MAGI1: variants seen among roughly 807,000 people sequenced by gnomAD.
MAGI1 encodes the protein membrane-associated guanylate kinase, WW and PDZ domain-containing protein 1.
In MAGI1, 58 loss-of-function variants were observed where a neutral mutation model predicts 139.9. The ratio of observed to expected loss-of-function variants is 0.41; its 90% CI spans 0.34 to 0.52. The LOEUF (loss-of-function observed/expected upper bound fraction) is 0.52, where lower values mean the gene tolerates loss of function less well. MAGI1 is among the 20% of genes least tolerant of loss of function. The pLI is 0.12. For missense variants in MAGI1, 1,874 were observed against 1,901.6 expected, an observed-to-expected ratio of 0.99 and a Z score of 0.27; for synonymous variants, 812 against 737.9, an observed-to-expected ratio of 1.10 and a Z score of -1.63.
chr3:65,494,780 T>C (rs1191314385), intron 2 of MAGI1, among the ~76,000 whole-genome samples: 3 of 152,240 alleles, frequency 2.0e-5, no homozygotes, highest in African/African-American at 7.2e-5. Context: ...CCCATGTGAA[T>C]AACCGCATCC....
intron 1 of MAGI1, among the ~76,000 whole-genome samples, chr3:65,624,381 C>T (rs570410038): frequency 3.3e-5 from 5 of 152,026 alleles, no homozygotes; most frequent in African/African-American, 1.2e-4. Context: ...AAATGTCCAT[C>T]GAAAGGTGAA....
At chr3:65,546,314 A>G (rs1037423672) in intron 2 of MAGI1, among the ~76,000 whole-genome samples, 7 of 152,204 alleles carry the variant, frequency 4.6e-5, no homozygotes, top group African/African-American at 1.7e-4. Context: ...TCCATACAGC[A>G]TATAAACAAT....
At chr3:65,487,893 A>G (rs1917522) in intron 3 of MAGI1, among the ~76,000 whole-genome samples, 149,483 of 152,312 alleles carry the variant, frequency 0.98, 73,418 homozygotes, top group East Asian at 1. Context: ...TCTAAAACTG[A>G]AGCCACCAGC....
chr3:65,616,392 G>A (rs956350865), intron 2 of MAGI1, among the ~76,000 whole-genome samples: 1 of 152,166 alleles, frequency 6.6e-6, no homozygotes, highest in African/African-American at 2.4e-5. Context: ...AACATCTGTG[G>A]TTAAATAGAA....
intron 2 of MAGI1, among the ~76,000 whole-genome samples, chr3:65,584,471 C>T (rs1020811170): frequency 6.6e-6 from 1 of 152,144 alleles, no homozygotes; most frequent in Admixed American, 6.5e-5. Context: ...TGACACAAAG[C>T]TGGGAAGCCA....
chr3:65,399,572 G>C (rs191160890), intron 13 of MAGI1, among the ~76,000 whole-genome samples: 2 of 152,310 alleles, frequency 1.3e-5, no homozygotes, highest in Admixed American at 1.3e-4. Flanking sequence ...TTCTAACCCA[G>C]CAACACATCA....
At chr3:65,595,351 T>C (rs986954483) in intron 2 of MAGI1, among the ~76,000 whole-genome samples, 12 of 152,302 alleles carry the variant, frequency 7.9e-5, no homozygotes, top group Middle Eastern at 3.4e-3. Context: ...GTATCAAACG[T>C]ATAGGTTCAA....
At chr3:65,815,636 TA>T (rs1265415181) in intron 1 of MAGI1, among the ~76,000 whole-genome samples, 3 of 151,736 alleles carry the variant, frequency 2.0e-5, no homozygotes, top group Admixed American at 6.5e-5. Flanking sequence ...TCTATACTAT[TA>T]AACATGTAAT....
intron 1 of MAGI1, among the ~76,000 whole-genome samples, chr3:65,785,360 G>GT (rs1168494287): frequency 6.6e-6 from 1 of 152,106 alleles, no homozygotes; most frequent in East Asian, 1.9e-4. Flanking sequence ...ACGGAATGAG[G>GT]TATTAGTATG....
At chr3:65,535,442 A>G (rs1458484869) in intron 2 of MAGI1, among the ~76,000 whole-genome samples, 1 of 152,234 alleles carries the variant, frequency 6.6e-6, no homozygotes, top group African/African-American at 2.4e-5. Flanking sequence ...GAAGAGGAAG[A>G]AGGAAGCTGT....
chr3:65,801,725 A>C lies in MAGI1; in HGVS notation c.314-179637T>G, dbSNP rs144151170. On this transcript the variant is annotated intron_variant, in intron 1 of 22. Transcript: ENST00000402939. Reference sequence around the variant, plus strand: ...CCTAACATGACAGTAATTATATTTTAAATATCTGTTGGGTAAGAAAATGCA... The same window carrying C: ...CCTAACATGACAGTAATTATATTTTCAATATCTGTTGGGTAAGAAAATGCA... Among the ~76,000 whole-genome samples the C allele has an allele frequency of 6.9e-3, 1,048 of 152,324 alleles. 8 individuals carry two copies. The highest frequency in any genetic ancestry group is 0.034 in the Middle Eastern group (10 of 294).
At chr3:65,454,109 C>G (rs978796737) in intron 5 of MAGI1, among the ~76,000 whole-genome samples, 2 of 151,992 alleles carry the variant, frequency 1.3e-5, no homozygotes, top group African/African-American at 2.4e-5. Flanking sequence ...TGGTTGGAAG[C>G]ATTCAGCTTT....
At chr3:65,792,546 TTATAGCTAGCTA>T (rs993038030) in intron 1 of MAGI1, among the ~76,000 whole-genome samples, 3 of 152,064 alleles carry the variant, frequency 2.0e-5, no homozygotes, top group East Asian at 1.9e-4. Flanking sequence ...TAATATATTG[TTATAGCTAGCTA>T]TATAGCTAGC....
chr3:65,926,229 T>C (rs780235398), intron 1 of MAGI1, among the ~76,000 whole-genome samples: 5 of 152,148 alleles, frequency 3.3e-5, no homozygotes, highest in Non-Finnish European at 7.4e-5. Context: ...CTACACTAAA[T>C]AGAAGGTAGT....
At chr3:65,409,417 G>A (rs187648981) in intron 12 of MAGI1, among the ~76,000 whole-genome samples, 1 of 152,190 alleles carries the variant, frequency 6.6e-6, no homozygotes. Context: ...TGGGGGAGTG[G>A]GTGGAAGCAC....
intron 5 of MAGI1, among the ~76,000 whole-genome samples, chr3:65,456,781 G>A (rs796900227): frequency 2.6e-5 from 4 of 152,154 alleles, no homozygotes; most frequent in African/African-American, 9.6e-5. Flanking sequence ...AAGGCTATCT[G>A]CCCTCCATTG....
chr3:65,770,290 T>C (rs995110119), intron 1 of MAGI1, among the ~76,000 whole-genome samples: 1 of 152,166 alleles, frequency 6.6e-6, no homozygotes, highest in Non-Finnish European at 1.5e-5. Flanking sequence ...TTCCCACTTT[T>C]TTCATCAAAA....
chr3:65,659,254 T>C (rs1576629185), intron 1 of MAGI1, among the ~76,000 whole-genome samples: 1 of 151,502 alleles, frequency 6.6e-6, no homozygotes, highest in Non-Finnish European at 1.5e-5. Flanking sequence ...TAAAACAGGG[T>C]GATCACAGGA....
At chr3:65,922,084 C>A (rs2062232902) in intron 1 of MAGI1, among the ~76,000 whole-genome samples, 1 of 152,308 alleles carries the variant, frequency 6.6e-6, no homozygotes, top group Non-Finnish European at 1.5e-5. Context: ...CTCCATCACT[C>A]ATTTAACCTT....
Sources: gnomAD v4.1 joint callset for allele counts (sites outside exome capture counted in the v4.1 genomes callset) on GRCh38, gnomAD v4.1.1 for gene constraint, MANE v1.5 for transcripts, NCBI Gene and HGNC (gene_info 2026-07-23, HGNC 2026-07-21) for gene names.